AFF1: variants seen among roughly 807,000 people sequenced by gnomAD.
AFF1 encodes the protein AF4/FMR2 family member 1.
Under a neutral mutation model 121.7 loss-of-function variants are expected in AFF1, and 48 were observed. The observed-to-expected ratio is 0.39, with a 90% CI of 0.31 to 0.50. The LOEUF (loss-of-function observed/expected upper bound fraction) is 0.50, where lower values mean the gene tolerates loss of function less well. AFF1 is among the 20% of genes least tolerant of loss of function. AFF1 has a pLI of 0.76. For missense variants in AFF1, 1,523 were observed against 1,511.7 expected, an observed-to-expected ratio of 1.01 and a Z score of -0.12; for synonymous variants, 613 against 563.0, an observed-to-expected ratio of 1.09 and a Z score of -1.26.
At chr4:87,062,512 T>G (rs991571704) in intron 4 of AFF1, among the ~76,000 whole-genome samples, 2 of 151,906 alleles carry the variant, frequency 1.3e-5, no homozygotes, top group Non-Finnish European at 2.9e-5. Flanking sequence ...TATCGATGCT[T>G]TTTTCAGCTG....
chr4:87,136,607 A>G lies in AFF1; in HGVS notation c.*906A>G, dbSNP rs1479867933. 4 of 231,074 alleles carry G rather than the reference A, an allele frequency of 1.7e-5. No homozygotes were observed. The highest frequency in any genetic ancestry group is 3.4e-5 in the Non-Finnish European group (4 of 116,760). The allele number at this position is 231,074 out of a possible 1,614,324, so 14.3% of individuals were successfully genotyped here. A position where few individuals can be genotyped will look rare whatever the true frequency, so the allele number is the denominator to read the frequency against. ...TCCCTTGGGGAAGAAGGGAACCAAC[A>G]TTTATACCTGACCAGATGGCTAAAG... On this transcript the variant is annotated 3_prime_UTR_variant, in exon 21 of 21. Coordinates refer to ENST00000395146, the MANE Select transcript of AFF1 (RefSeq NM_001166693.3).
chr4:86,999,595 G>T (rs1244195179), intron 2 of AFF1, among the ~76,000 whole-genome samples: 3 of 152,196 alleles, frequency 2.0e-5, no homozygotes, highest in African/African-American at 7.2e-5. Flanking sequence ...GTTACAGAGA[G>T]AAGTTTAGGT....
rs748093135 is a variant in AFF1 at position 86,951,615 on chromosome 4, C to CTTTTTTTTTTTTTTTTTTTTTTT, written c.38+3051_38+3052insTTTTTTTTTTTTTTTTTTTTTTT. Reference sequence around the variant, plus strand: ...GAACTTTTTTTTCTTTTTCTTTTTTCTTTTTTTCTTTTTTTTTTTTTTTTT... The same window carrying CTTTTTTTTTTTTTTTTTTTTTTT: ...GAACTTTTTTTTCTTTTTCTTTTTTCTTTTTTTTTTTTTTTTTTTTTTTTTTTTTTCTTTTTTTTTTTTTTTTT... On this transcript the variant is annotated intron_variant, in intron 2 of 20. Transcript: ENST00000395146. 7.9e-4 allele frequency among the ~76,000 whole-genome samples: 99 copies of CTTTTTTTTTTTTTTTTTTTTTTT among 124,936 alleles called. 3 individuals carry two copies. The highest frequency in any genetic ancestry group is 1.1e-3 in the Non-Finnish European group (67 of 62,278). The allele number at this position is 124,936 out of a possible 152,430, so 82.0% of individuals were successfully genotyped here.
At chr4:86,938,449 C>CAAAAAAAA (rs35867614) in intron 1 of AFF1, among the ~76,000 whole-genome samples, 1 of 100,064 alleles carries the variant, frequency 1.0e-5, no homozygotes, top group Non-Finnish European at 2.1e-5. Flanking sequence ...GACTCCGTCT[C>CAAAAAAAA]AAAAAAAAAA....
At chr4:86,955,859 C>T (rs1195607036) in intron 2 of AFF1, among the ~76,000 whole-genome samples, 1 of 152,038 alleles carries the variant, frequency 6.6e-6, no homozygotes, top group Non-Finnish European at 1.5e-5. Flanking sequence ...ATACTGTAGC[C>T]CCTGGAAGCT....
chr4:86,961,816 G>A (rs192346385), intron 2 of AFF1, among the ~76,000 whole-genome samples: 2 of 152,156 alleles, frequency 1.3e-5, no homozygotes, highest in African/African-American at 4.8e-5. Flanking sequence ...GATGTCAGGT[G>A]GCTGCCCTGT....
intron 2 of AFF1, among the ~76,000 whole-genome samples, chr4:86,967,789 G>C (rs1722637729): frequency 6.6e-6 from 1 of 152,178 alleles, no homozygotes; most frequent in Non-Finnish European, 1.5e-5. Context: ...TCCTTTTTGA[G>C]TAGTCCAGGT....
intron 4 of AFF1, among the ~76,000 whole-genome samples, chr4:87,056,057 C>G (rs991462296): frequency 6.6e-6 from 1 of 152,032 alleles, no homozygotes; most frequent in African/African-American, 2.4e-5. Context: ...ATTTCATTCC[C>G]TATTTAAATT....
chr4:86,966,021 TCTC>T (rs1722512561), intron 2 of AFF1, among the ~76,000 whole-genome samples: 1 of 149,844 alleles, frequency 6.7e-6, no homozygotes, highest in African/African-American at 2.5e-5. Flanking sequence ...TGTGCTGTAT[TCTC>T]CCCTCTTCCC....
At chr4:87,100,619 C>T (rs1049308722) in intron 8 of AFF1, among the ~76,000 whole-genome samples, 5 of 152,066 alleles carry the variant, frequency 3.3e-5, no homozygotes, top group African/African-American at 1.2e-4. Flanking sequence ...TCTAGACTAG[C>T]GGGGATATTT....
chr4:87,110,822 A>G (rs1005530835), intron 11 of AFF1, among the ~76,000 whole-genome samples: 7 of 151,780 alleles, frequency 4.6e-5, no homozygotes, highest in South Asian at 2.1e-4. Context: ...TTTTTTTCCT[A>G]TTTCCAATTT....
At chr4:86,995,721 G>GC (rs1725103435) in intron 2 of AFF1, among the ~76,000 whole-genome samples, 1 of 151,976 alleles carries the variant, frequency 6.6e-6, no homozygotes, top group Non-Finnish European at 1.5e-5. Flanking sequence ...TGCAGCCTCT[G>GC]CCCGGCCGCC....
At chr4:87,015,020 C>T (rs889713299) in intron 2 of AFF1, among the ~76,000 whole-genome samples, 5 of 152,102 alleles carry the variant, frequency 3.3e-5, no homozygotes, top group African/African-American at 4.8e-5. Flanking sequence ...AAGTTTGAGT[C>T]CATGATATTA....
intron 2 of AFF1, among the ~76,000 whole-genome samples, chr4:86,985,421 G>T (rs1172381748): frequency 6.7e-6 from 1 of 149,584 alleles, no homozygotes; most frequent in Non-Finnish European, 1.5e-5. Flanking sequence ...TGAGACAGGA[G>T]AATTGCTGGA....
chr4:86,968,476 A>C (rs1056850245), intron 2 of AFF1, among the ~76,000 whole-genome samples: 1 of 152,190 alleles, frequency 6.6e-6, no homozygotes, highest in Non-Finnish European at 1.5e-5. Flanking sequence ...TACAGTTTTC[A>C]GTATTCACAA....
chr4:87,132,531 A>C lies in AFF1; in HGVS notation c.3311+123A>C, dbSNP rs540018573. ...TGCCTTTTCAAAAATTGTTGGCTTC[A>C]TCTGTTTGCTGGTTGCTCCTAAATT... On this transcript the variant is annotated intron_variant, in intron 19 of 20. Coordinates refer to ENST00000395146, the MANE Select transcript of AFF1 (RefSeq NM_001166693.3). 3 of 914,138 alleles carry C rather than the reference A, an allele frequency of 3.3e-6. No homozygotes were observed. The African/African-American group carries it at 5.2e-5, about 16-fold the overall frequency. The allele number at this position is 914,138 out of a possible 1,614,324, so 56.6% of individuals were successfully genotyped here.
chr4:86,957,877 T>TA (rs1401857862), intron 2 of AFF1, among the ~76,000 whole-genome samples: 6 of 152,142 alleles, frequency 3.9e-5, no homozygotes, highest in Admixed American at 2.0e-4. Flanking sequence ...TTGCCATACT[T>TA]AAAAAAACAA....
chr4:87,020,107 A>C (rs1378037380), intron 2 of AFF1, among the ~76,000 whole-genome samples: 3 of 152,248 alleles, frequency 2.0e-5, no homozygotes, highest in Non-Finnish European at 4.4e-5. Flanking sequence ...ATGTGATCAC[A>C]ATAAACTACT....
chr4:87,102,847 A>G (rs1190766278), intron 8 of AFF1, among the ~76,000 whole-genome samples: 1 of 152,218 alleles, frequency 6.6e-6, no homozygotes. Context: ...GTGCTCACCC[A>G]GGTGTGCTGT....
Sources: gnomAD v4.1 joint callset for allele counts (sites outside exome capture counted in the v4.1 genomes callset) on GRCh38, gnomAD v4.1.1 for gene constraint, MANE v1.5 for transcripts, NCBI Gene and HGNC (gene_info 2026-07-23, HGNC 2026-07-21) for gene names.